Variants in ABCA13 observed in about 807,000 individuals in gnomAD.
ABCA13 encodes ATP binding cassette subfamily A member 13.
ABCA13 carries 476 observed loss-of-function variants against 478.7 expected under a neutral mutation model. The observed-to-expected ratio is 0.99, with a 90% CI of 0.92 to 1.07. The LOEUF (loss-of-function observed/expected upper bound fraction) is 1.07, where lower values mean the gene tolerates loss of function less well. Ranked by LOEUF, ABCA13 falls within the 50% of genes least tolerant of loss-of-function variation. The pLI is 0.00. For synonymous variants in ABCA13, 2,252 were observed against 2,158.9 expected (o/e 1.04, Z -1.20); for missense variants, 6,060 against 5,910.6 (o/e 1.03, Z -0.83).
chr7:48,412,677 G>A (rs556335346), intron 41 of ABCA13, 94 bp downstream of exon 41: 1 of 925,232 alleles, frequency 1.1e-6, no homozygotes, highest in East Asian at 3.2e-5. Context: ...GGGAGATGTG[G>A]GTAAGGGGGA....
intron 56 of ABCA13, among the ~76,000 whole-genome samples, chr7:48,585,855 T>C (rs1437339918): frequency 6.6e-6 from 1 of 152,074 alleles, no homozygotes; most frequent in Non-Finnish European, 1.5e-5. Flanking sequence ...GTTTGGAAAA[T>C]TTTTAAATTA....
intron 58 of ABCA13, among the ~76,000 whole-genome samples, chr7:48,614,436 G>T (rs1792340024): frequency 6.6e-6 from 1 of 151,202 alleles, no homozygotes; most frequent in African/African-American, 2.4e-5. Context: ...CACTGTTGGT[G>T]GGACTGTAAA....
intron 55 of ABCA13, among the ~76,000 whole-genome samples, chr7:48,561,293 T>A (rs1786432723): frequency 6.6e-6 from 1 of 152,050 alleles, no homozygotes; most frequent in African/African-American, 2.4e-5. Context: ...TAATATTATA[T>A]TTTTAGTTTT....
intron 42 of ABCA13, among the ~76,000 whole-genome samples, chr7:48,443,298 G>T (rs1196977994): frequency 1.3e-5 from 2 of 152,190 alleles, no homozygotes; most frequent in Non-Finnish European, 2.9e-5. Context: ...TTACACATGG[G>T]CAATGTGAGA....
At chr7:48,406,027 G>C (rs1818218610) in intron 39 of ABCA13, among the ~76,000 whole-genome samples, 1 of 152,178 alleles carries the variant, frequency 6.6e-6, no homozygotes, top group South Asian at 2.1e-4. Context: ...AGAGCTCTGT[G>C]AGACAGATCT....
intron 41 of ABCA13, among the ~76,000 whole-genome samples, chr7:48,415,023 A>G (rs1183972722): frequency 2.6e-5 from 4 of 152,216 alleles, no homozygotes; most frequent in Non-Finnish European, 4.4e-5. Flanking sequence ...CCAATGTAGA[A>G]CAAGAAGGAA....
intron 16 of ABCA13, among the ~76,000 whole-genome samples, chr7:48,269,773 A>G (rs75151790): frequency 1.3e-5 from 2 of 152,318 alleles, no homozygotes; most frequent in East Asian, 3.9e-4. Flanking sequence ...CCAGGTTTCT[A>G]TATATTTCAC....
At chr7:48,538,897 G>A (rs1833777021) in intron 55 of ABCA13, among the ~76,000 whole-genome samples, 1 of 151,992 alleles carries the variant, frequency 6.6e-6, no homozygotes, top group African/African-American at 2.4e-5. Flanking sequence ...ACTCTCTGTC[G>A]AAGAACCTGA....
chr7:48,424,822 A>G (rs1233628919), intron 41 of ABCA13, among the ~76,000 whole-genome samples: 1 of 152,200 alleles, frequency 6.6e-6, no homozygotes, highest in African/African-American at 2.4e-5. Context: ...CAAGACTCCA[A>G]ATCTTTGATT....
At chr7:48,563,181 A>C (rs1786649771) in intron 55 of ABCA13, among the ~76,000 whole-genome samples, 1 of 152,178 alleles carries the variant, frequency 6.6e-6, no homozygotes, top group Non-Finnish European at 1.5e-5. Flanking sequence ...CCAGTCATGC[A>C]GCATTTCTCT....
At chr7:48,457,792 G>A (rs1825832540) in intron 43 of ABCA13, among the ~76,000 whole-genome samples, 1 of 152,096 alleles carries the variant, frequency 6.6e-6, no homozygotes, top group Non-Finnish European at 1.5e-5. Flanking sequence ...GTTAATTTCT[G>A]TCTAAAGAGA....
chr7:48,530,132 T>A (rs1431499157), intron 55 of ABCA13, among the ~76,000 whole-genome samples: 1 of 152,106 alleles, frequency 6.6e-6, no homozygotes, highest in African/African-American at 2.4e-5. Context: ...TGTATCATTC[T>A]TATGCCTTTG....
At chr7:48,294,931 T>A (rs888347077) in intron 20 of ABCA13, among the ~76,000 whole-genome samples, 16 of 152,246 alleles carry the variant, frequency 1.1e-4, no homozygotes, top group Admixed American at 2.6e-4. Context: ...AATGTCACAT[T>A]TTCTCTATTC....
intron 6 of ABCA13, among the ~76,000 whole-genome samples, chr7:48,229,344 GATCC>G (rs1367787204): frequency 6.6e-6 from 1 of 152,142 alleles, no homozygotes; most frequent in East Asian, 1.9e-4. Context: ...GACCTATTCA[GATCC>G]ATAGGTTAAG....
chr7:48,275,576 T>G lies in ABCA13; in HGVS notation c.5910T>G (p.Gly1970=). ...TCAACTTTACAAAAGTTACATCAGG[T>G]GAAAATATTCTTGACAAACTAAGTA... The part of the protein sequence containing the change: ...KNVNFTKVTS[G]ENILDKLSSL... The change falls in exon 17 of 62, where the codon GGT becomes GGG. Residue 1970 remains glycine (G), a synonymous_variant. Coordinates refer to ENST00000435803, the MANE Select transcript of ABCA13 (RefSeq NM_152701.5). The G allele has an allele frequency of 6.2e-7, 1 of 1,613,410 alleles. No homozygotes were observed. Among genetic ancestry groups the G allele is most frequent in the Admixed American group, 1.7e-5 (1 of 59,922 alleles).
intron 1 of ABCA13, among the ~76,000 whole-genome samples, chr7:48,188,532 G>T (rs1463087227): frequency 1.3e-5 from 2 of 152,020 alleles, no homozygotes; most frequent in East Asian, 3.9e-4. Context: ...AGTATGGTAG[G>T]CTTATTTGAT....
intron 42 of ABCA13, among the ~76,000 whole-genome samples, chr7:48,428,878 C>A (rs914005435): frequency 6.6e-6 from 1 of 152,200 alleles, no homozygotes; most frequent in African/African-American, 2.4e-5. Flanking sequence ...CTGCATTCAT[C>A]ACCACAATCA....
At chr7:48,624,542 GTTTTCTT>G (rs1793480234) in intron 59 of ABCA13, among the ~76,000 whole-genome samples, 1 of 150,608 alleles carries the variant, frequency 6.6e-6, no homozygotes, top group Non-Finnish European at 1.5e-5. Flanking sequence ...CGTTGTTGTT[GTTTTCTT>G]TTTTCTTTTT....
intron 27 of ABCA13, among the ~76,000 whole-genome samples, chr7:48,330,167 G>C (rs1000122476): frequency 9.0e-5 from 13 of 144,178 alleles, no homozygotes; most frequent in African/African-American, 3.4e-4. Context: ...TTATCTCTCT[G>C]TCTGTCCATC....
Sources: allele counts gnomAD v4.1 joint callset (sites outside exome capture counted in the v4.1 genomes callset), GRCh38; gene constraint gnomAD v4.1.1; transcripts MANE v1.5; gene names NCBI Gene and HGNC (gene_info 2026-07-23, HGNC 2026-07-21).